TRHDE: variants seen among roughly 807,000 people sequenced by gnomAD.
TRHDE encodes the protein thyrotropin-releasing hormone-degrading ectoenzyme.
TRHDE carries 72 observed loss-of-function variants against 125.7 expected under a neutral mutation model. The ratio of observed to expected loss-of-function variants is 0.57; its 90% confidence interval spans 0.47 to 0.70. TRHDE has a LOEUF of 0.70. Ranked by LOEUF, TRHDE falls within the 30% of genes least tolerant of loss-of-function variation. TRHDE has a pLI of 0.00. For synonymous variants in TRHDE, 509 were observed against 509.1 expected, an observed-to-expected ratio of 1.00 and a Z score of 0.00; for missense variants, 1,110 against 1,327.1, an observed-to-expected ratio of 0.84 and a Z score of 2.54.
At chr12:72,361,249 C>T (rs190902847) in intron 2 of TRHDE, among the ~76,000 whole-genome samples, 149 of 151,822 alleles carry the variant, frequency 9.8e-4, no homozygotes, top group African/African-American at 3.4e-3. Flanking sequence ...TAAATAAAAT[C>T]CCATGGGATT....
intron 6 of TRHDE, among the ~76,000 whole-genome samples, chr12:72,541,812 C>T (rs967674725): frequency 6.6e-6 from 1 of 151,370 alleles, no homozygotes; most frequent in Non-Finnish European, 1.5e-5. Context: ...GACAGTCTGA[C>T]TTCTTGGTAC....
intron 12 of TRHDE, among the ~76,000 whole-genome samples, chr12:72,610,438 C>T (rs2136068168): frequency 6.6e-6 from 1 of 152,322 alleles, no homozygotes; most frequent in South Asian, 2.1e-4. Context: ...GACCACGTGG[C>T]ACATTTGAGT....
chr12:72,411,442 G>A (rs1010441939), intron 3 of TRHDE, among the ~76,000 whole-genome samples: 2 of 151,884 alleles, frequency 1.3e-5, no homozygotes, highest in Admixed American at 6.6e-5. Context: ...TAACAAAGAT[G>A]TATAAGAATT....
intron 2 of TRHDE, among the ~76,000 whole-genome samples, chr12:72,350,397 T>C (rs1482644051): frequency 6.6e-6 from 1 of 152,020 alleles, no homozygotes; most frequent in African/African-American, 2.4e-5. Context: ...ACGTATTATA[T>C]ATCTCAATAT....
At chr12:72,390,803 T>C (rs1872586717) in intron 3 of TRHDE, among the ~76,000 whole-genome samples, 2 of 152,182 alleles carry the variant, frequency 1.3e-5, no homozygotes, top group Non-Finnish European at 2.9e-5. Flanking sequence ...TGAAGTCTTA[T>C]GATCTTATCA....
intron 5 of TRHDE, among the ~76,000 whole-genome samples, chr12:72,490,939 G>A (rs74837474): frequency 0.047 from 7,039 of 148,744 alleles, 545 homozygotes; most frequent in African/African-American, 0.17. Context: ...AAATTGTACT[G>A]TGTCTGTGAT....
chr12:72,617,268 T>C (rs961372478), intron 12 of TRHDE, among the ~76,000 whole-genome samples: 1 of 152,128 alleles, frequency 6.6e-6, no homozygotes, highest in Non-Finnish European at 1.5e-5. Flanking sequence ...TGTACTATGG[T>C]TGAATCAAAA....
chr12:72,326,519 A>G (rs1869347975), intron 2 of TRHDE, among the ~76,000 whole-genome samples: 1 of 152,184 alleles, frequency 6.6e-6, no homozygotes, highest in African/African-American at 2.4e-5. Context: ...ATACCTATGT[A>G]ACAAACCTGC....
At position 72,480,070 on chromosome 12, in the gene TRHDE, C is replaced by T. The variant is rs557914341; in HGVS notation, c.1584+6890C>T. 4.6e-5 allele frequency among the ~76,000 whole-genome samples: 7 copies of T among 150,816 alleles called. No individual in the cohort carries two copies. In the East Asian group the frequency reaches 5.8e-4, roughly 13 times the overall value. Reference sequence around the variant, plus strand: ...CTTAATCCAGTCTATCATTGTTGGACATTTGGGTTGGTTCCAAGTCTTTGC... The same window carrying T: ...CTTAATCCAGTCTATCATTGTTGGATATTTGGGTTGGTTCCAAGTCTTTGC... On this transcript the variant is annotated intron_variant, in intron 5 of 18. Coordinates refer to ENST00000261180, the MANE Select transcript of TRHDE (RefSeq NM_013381.3).
At chr12:72,121,712 G>A (rs1293858010) in intron 2 of TRHDE, among the ~76,000 whole-genome samples, 2 of 146,456 alleles carry the variant, frequency 1.4e-5, no homozygotes, top group Admixed American at 6.9e-5. Flanking sequence ...TGGTATTTAC[G>A]AAGGTGCCTT....
chr12:72,221,449 A>T (rs1479566244), intron 2 of TRHDE, among the ~76,000 whole-genome samples: 1 of 152,096 alleles, frequency 6.6e-6, no homozygotes, highest in Non-Finnish European at 1.5e-5. Flanking sequence ...GACCTTGAAA[A>T]TTGTTCTAAA....
At chr12:72,442,910 A>G (rs1033581514) in intron 3 of TRHDE, among the ~76,000 whole-genome samples, 1 of 151,762 alleles carries the variant, frequency 6.6e-6, no homozygotes, top group Admixed American at 6.6e-5. Flanking sequence ...CAGCATAAGG[A>G]CTCACTTGTC....
At position 72,663,287 on chromosome 12, in the gene TRHDE, G is replaced by T; in HGVS notation, c.*92G>T. The T allele has an allele frequency of 5.5e-6, 6 of 1,089,566 alleles. No homozygotes were observed. The highest frequency in any genetic ancestry group is 7.4e-6 in the Non-Finnish European group (6 of 815,822). 67.5% of individuals were successfully genotyped at this position (1,089,566 alleles called of 1,614,324 possible). A position where few individuals can be genotyped will look rare whatever the true frequency, so the allele number is the denominator to read the frequency against. ...GAGGAAAATGTACTACCTAGAAAAT[G>T]GCCAGATTTTCAGTGTTAACGTGTG... is the stretch of plus-strand genomic sequence containing the variant. On this transcript the variant is annotated 3_prime_UTR_variant, in exon 19 of 19. Coordinates refer to ENST00000261180, the MANE Select transcript of TRHDE (RefSeq NM_013381.3).
At chr12:72,357,942 A>C (rs1202969222) in intron 2 of TRHDE, among the ~76,000 whole-genome samples, 1 of 151,600 alleles carries the variant, frequency 6.6e-6, no homozygotes, top group Non-Finnish European at 1.5e-5. Flanking sequence ...AAGACAACTG[A>C]AAAATTATGG....
chr12:72,557,679 T>TAATACATG (rs1207712233), intron 7 of TRHDE, among the ~76,000 whole-genome samples: 18 of 152,296 alleles, frequency 1.2e-4, no homozygotes, highest in African/African-American at 4.3e-4. Context: ...TCCTGTTGGC[T>TAATACATG]TTTACACATG....
At chr12:72,393,429 T>C (rs1020491648) in intron 3 of TRHDE, among the ~76,000 whole-genome samples, 2 of 152,304 alleles carry the variant, frequency 1.3e-5, no homozygotes, top group East Asian at 1.9e-4. Flanking sequence ...CTCTGTGTAG[T>C]AGAGCTATCC....
intron 7 of TRHDE, among the ~76,000 whole-genome samples, chr12:72,561,600 T>A (rs1006187537): frequency 6.6e-6 from 1 of 152,108 alleles, no homozygotes; most frequent in Non-Finnish European, 1.5e-5. Context: ...AGGAATGACT[T>A]TTTCTTATCA....
Position 72,619,211 on chromosome 12 carries a change from G to T in TRHDE, c.2469+173G>T, listed in dbSNP as rs574004580. On this transcript the variant is annotated intron_variant, in intron 13 of 18. Coordinates refer to ENST00000261180, the MANE Select transcript of TRHDE (RefSeq NM_013381.3). The stretch of plus-strand genomic sequence containing the variant: ...ACACAGATGACAATTATTTGAAGAA[G>T]AAATTTAATACAAAATGCTGACCTA... Among the ~76,000 whole-genome samples, 3 of 152,160 alleles carry T rather than the reference G, an allele frequency of 2.0e-5. No individual in the cohort carries two copies. The South Asian group carries it at 6.2e-4, about 32-fold the overall frequency.
At chr12:72,350,009 A>G (rs534037221) in intron 2 of TRHDE, among the ~76,000 whole-genome samples, 18 of 151,982 alleles carry the variant, frequency 1.2e-4, no homozygotes, top group Non-Finnish European at 2.5e-4. Flanking sequence ...TCTTCGATTG[A>G]TAAAATGATA....
Sources: gnomAD v4.1 joint callset for allele counts (sites outside exome capture counted in the v4.1 genomes callset) on GRCh38, gnomAD v4.1.1 for gene constraint, MANE v1.5 for transcripts, NCBI Gene and HGNC (gene_info 2026-07-23, HGNC 2026-07-21) for gene names.